Variants in ASXL2 observed in about 807,000 individuals in gnomAD.
ASXL2 encodes ASXL transcriptional regulator 2, also known as putative Polycomb group protein ASXL2.
Under a neutral mutation model 122.0 loss-of-function variants are expected in ASXL2, and 23 were observed. The observed-to-expected ratio is 0.19, with a 90% CI of 0.14 to 0.27. The LOEUF (loss-of-function observed/expected upper bound fraction) is 0.27. Among genes scored for constraint, ASXL2 ranks in the 10% least tolerant of loss-of-function variants. The pLI is 1.00. For synonymous variants in ASXL2, 650 were observed against 637.0 expected, an observed-to-expected ratio of 1.02 and a Z score of -0.31; for missense variants, 1,518 against 1,713.8, an observed-to-expected ratio of 0.89 and a Z score of 2.02.
At chr2:25,844,156 G>C (rs1017737791) in intron 2 of ASXL2, among the ~76,000 whole-genome samples, 4 of 152,158 alleles carry the variant, frequency 2.6e-5, no homozygotes, top group Admixed American at 2.6e-4. Context: ...AAAACCAGTA[G>C]TTTGAAAGCA....
intron 1 of ASXL2, among the ~76,000 whole-genome samples, chr2:25,867,322 A>G (rs2149202689): frequency 6.6e-6 from 1 of 152,310 alleles, no homozygotes; most frequent in East Asian, 1.9e-4. Flanking sequence ...GCAGAAAAGT[A>G]GAAGGCCAGG....
chr2:25,816,867 G>A (rs1187780851), intron 3 of ASXL2, among the ~76,000 whole-genome samples: 1 of 152,208 alleles, frequency 6.6e-6, no homozygotes, highest in African/African-American at 2.4e-5. Context: ...GCTCACGCCT[G>A]TAATCCCAAC....
At chr2:25,836,586 A>C (rs1271846496) in intron 2 of ASXL2, among the ~76,000 whole-genome samples, 1 of 152,214 alleles carries the variant, frequency 6.6e-6, no homozygotes, top group Non-Finnish European at 1.5e-5. Flanking sequence ...TCATAAACAA[A>C]TTAGTACTAA....
chr2:25,859,227 C>T lies in ASXL2; in HGVS notation c.58-13664G>A, dbSNP rs567615075. Among the ~76,000 whole-genome samples the T allele has an allele frequency of 4.0e-3, 606 of 152,236 alleles. 5 individuals carry two copies. The highest frequency in any genetic ancestry group is 9.2e-3 in the Admixed American group (141 of 15,270). ...AAGTAGCTGGGACTGCAGGCACACA[C>T]CACCACACCCAGCTAAGAAACCTGA... On this transcript the variant is annotated intron_variant, in intron 1 of 12. Coordinates refer to ENST00000435504, the MANE Select transcript of ASXL2 (RefSeq NM_018263.6).
At position 25,743,162 on chromosome 2, in the gene ASXL2, T is replaced by G. The variant is rs779188381; in HGVS notation, c.3175A>C (p.Ser1059Arg). The G allele has an allele frequency of 3.1e-6, 5 of 1,614,030 alleles. No homozygotes were observed. The East Asian group carries it at 8.9e-5, about 29-fold the overall frequency. The change falls in exon 13 of 13, where the codon AGT becomes CGT. Residue 1059 changes from serine (S) to arginine (R), a missense_variant. This residue lies in a region of ASXL2 where 831 missense variants were observed against 833.1 expected (regional missense o/e 1.00). Coordinates refer to ENST00000435504, the MANE Select transcript of ASXL2 (RefSeq NM_018263.6). ...AGGATCTGATCTTGGGTTGCTTTACTTAGTCCTTCGTGGTATTGGTGTGTG... is the reference window on the plus strand; with the variant it reads ...AGGATCTGATCTTGGGTTGCTTTACGTAGTCCTTCGTGGTATTGGTGTGTG... Reference protein sequence around the residue: ...IDTHQYHEGLSKATQDQILQT... With the variant: ...IDTHQYHEGLRKATQDQILQT...
In ASXL2 at chr2:25,800,447, G is replaced by C. The variant is rs544473093; in HGVS notation, c.253-912C>G. 2.0e-3 allele frequency among the ~76,000 whole-genome samples: 305 copies of C among 152,224 alleles called. 1 individual carries two copies. Among genetic ancestry groups the C allele is most frequent in the African/African-American group, 7.0e-3 (291 of 41,532 alleles). On this transcript the variant is annotated intron_variant, in intron 4 of 12. Transcript: ENST00000435504. ...GAATCTAATTGGTTCCTGAATATTG[G>C]TTAGTAAGTAGCAAGAATTAAATAA...
At chr2:25,868,492 G>C (rs1054392038) in intron 1 of ASXL2, among the ~76,000 whole-genome samples, 5 of 152,248 alleles carry the variant, frequency 3.3e-5, no homozygotes, top group Non-Finnish European at 7.3e-5. Flanking sequence ...TGATGCCCAA[G>C]ATGAACTAAC....
chr2:25,813,481 T>G (rs192044501), intron 3 of ASXL2, among the ~76,000 whole-genome samples: 32 of 152,352 alleles, frequency 2.1e-4, no homozygotes, highest in African/African-American at 7.7e-4. Flanking sequence ...CAGTCTCATG[T>G]CAGTTCAAGA....
intron 12 of ASXL2, among the ~76,000 whole-genome samples, chr2:25,746,948 G>A (rs1459986750): frequency 6.6e-6 from 1 of 152,100 alleles, no homozygotes; most frequent in African/African-American, 2.4e-5. Flanking sequence ...GACCCCAGAG[G>A]ATATCAAAAT....
chr2:25,755,921 G>T (rs2088122297), intron 10 of ASXL2, 97 bp downstream of exon 10: 32 of 1,011,678 alleles, frequency 3.2e-5, no homozygotes, highest in South Asian at 2.6e-5. Context: ...GAAACATCCT[G>T]TCCTTTACCT....
At position 25,741,408 on chromosome 2, in the gene ASXL2, GCTTTCAGAGTCTGAAACA is replaced by G. The variant is rs1423254700; in HGVS notation, c.*603_*620del. The G allele has an allele frequency of 1.3e-5, 3 of 227,122 alleles. No individual in the cohort carries two copies. Among genetic ancestry groups the G allele is most frequent in the Admixed American group, 5.7e-5 (1 of 17,578 alleles). 14.1% of individuals were successfully genotyped at this position (227,122 alleles called of 1,614,324 possible). ...AGTAGAAGCCAAGAACCAAGTCAGG[GCTTTCAGAGTCTGAAACA>G]CTACCTGTGAAATGAATTCCTTACC... On this transcript the variant is annotated 3_prime_UTR_variant, in exon 13 of 13. Transcript: ENST00000435504.
chr2:25,841,954 A>AGAT (rs2089586027), intron 2 of ASXL2, among the ~76,000 whole-genome samples: 1 of 150,412 alleles, frequency 6.6e-6, no homozygotes. Context: ...CTCAAAAAAA[A>AGAT]AAAAAAAATT....
chr2:25,781,462 G>A (rs899162931), intron 5 of ASXL2, among the ~76,000 whole-genome samples: 2 of 151,800 alleles, frequency 1.3e-5, no homozygotes, highest in Non-Finnish European at 2.9e-5. Context: ...TGTTGTTACC[G>A]CAAATATATT....
intron 5 of ASXL2, among the ~76,000 whole-genome samples, chr2:25,786,460 CG>C (rs2088748610): frequency 6.6e-6 from 1 of 151,750 alleles, no homozygotes; most frequent in Admixed American, 6.6e-5. Flanking sequence ...AGGATGGTCT[CG>C]ATCTCCTGAC....
intron 4 of ASXL2, among the ~76,000 whole-genome samples, chr2:25,805,777 G>A (rs896294098): frequency 6.6e-6 from 1 of 152,150 alleles, no homozygotes; most frequent in Non-Finnish European, 1.5e-5. Flanking sequence ...CCGGGTTCAA[G>A]CAATTCTCTT....
Position 25,743,178 on chromosome 2 carries a change from T to G in ASXL2, c.3159A>C (p.Gln1053His). 1 of 1,614,020 alleles carries G rather than the reference T, an allele frequency of 6.2e-7. No homozygotes were observed. The highest frequency in any genetic ancestry group is 8.5e-7 in the Non-Finnish European group (1 of 1,179,890). Residue 1053 changes from glutamine to histidine, a missense_variant, in exon 13 of 13, where the codon CAA becomes CAC. By Grantham distance (24) the Gln-to-His change is conservative. Coordinates refer to ENST00000435504, the MANE Select transcript of ASXL2 (RefSeq NM_018263.6). Reference sequence around the variant, plus strand: ...TTGCTTTACTTAGTCCTTCGTGGTATTGGTGTGTGTCAATGCTGGAGTCCC... The same window carrying G: ...TTGCTTTACTTAGTCCTTCGTGGTAGTGGTGTGTGTCAATGCTGGAGTCCC... ...ELRDSSIDTH[Q>H]YHEGLSKATQ...
In ASXL2 at chr2:25,750,346, T is replaced by C; in HGVS notation, c.1210A>G (p.Thr404Ala). 1.2e-6 allele frequency: 2 copies of C among 1,613,688 alleles called. No homozygotes were observed. Among genetic ancestry groups the C allele is most frequent in the Non-Finnish European group, 1.7e-6 (2 of 1,179,834 alleles). Residue 404 changes from threonine to alanine, a missense_variant, in exon 12 of 13, where the codon ACC becomes GCC. Thr to Ala is a moderately conservative substitution (Grantham distance 58). Transcript: ENST00000435504. ...ATGGATTTTGGTTGTTCAGCTGGGGTTTTCTTTACTTTGGGATCACTGGGA... is the reference window on the plus strand; with the variant it reads ...ATGGATTTTGGTTGTTCAGCTGGGGCTTTCTTTACTTTGGGATCACTGGGA... ...ASPSDPKVKK[T>A]PAEQPKSMPV...
At chr2:25,837,010 T>C (rs2089518892) in intron 2 of ASXL2, among the ~76,000 whole-genome samples, 1 of 139,096 alleles carries the variant, frequency 7.2e-6, no homozygotes, top group Non-Finnish European at 1.5e-5. Context: ...TATTTCTCTA[T>C]TAGCTGATAG....
At chr2:25,792,111 C>T (rs1266893071) in intron 5 of ASXL2, among the ~76,000 whole-genome samples, 1 of 152,230 alleles carries the variant, frequency 6.6e-6, no homozygotes, top group African/African-American at 2.4e-5. Context: ...ATCCTCCTGC[C>T]TCAGTCTACC....
Sources: gnomAD v4.1 joint callset for allele counts (sites outside exome capture counted in the v4.1 genomes callset) on GRCh38, gnomAD v4.1.1 for gene constraint, gnomAD v4.1.1 regional missense constraint, MANE v1.5 for transcripts, NCBI Gene and HGNC (gene_info 2026-07-23, HGNC 2026-07-21) for gene names.